CDH13: variants seen among roughly 807,000 people sequenced by gnomAD.
CDH13 encodes the protein cadherin-13.
In CDH13, 24 loss-of-function variants were observed where a neutral mutation model predicts 63.8. The observed-to-expected ratio is 0.38, with a 90% CI of 0.27 to 0.53. The LOEUF (loss-of-function observed/expected upper bound fraction) is 0.53, where lower values mean the gene tolerates loss of function less well. Among genes scored for constraint, CDH13 ranks in the 20% least tolerant of loss-of-function variants. CDH13 has a pLI of 0.85. For missense variants in CDH13, 1,049 were observed against 903.1 expected (o/e 1.16, Z -2.07); for synonymous variants, 503 against 355.3 (o/e 1.42, Z -4.67).
intron 7 of CDH13, among the ~76,000 whole-genome samples, chr16:83,503,375 G>T (rs370673356): frequency 6.6e-6 from 1 of 152,144 alleles, no homozygotes; most frequent in African/African-American, 2.4e-5. Context: ...AGAGAGATTC[G>T]GATGGGGTGG....
chr16:82,638,548 A>T (rs757862651), intron 1 of CDH13, among the ~76,000 whole-genome samples: 61 of 152,162 alleles, frequency 4.0e-4, no homozygotes, highest in Non-Finnish European at 7.6e-4. Flanking sequence ...CTATGCTCCA[A>T]GGAATTTTAT....
chr16:83,157,015 A>G (rs997468261), intron 4 of CDH13, among the ~76,000 whole-genome samples: 1 of 152,124 alleles, frequency 6.6e-6, no homozygotes, highest in South Asian at 2.1e-4. Flanking sequence ...TCTTTTTCTT[A>G]TTATATTTTC....
chr16:83,564,805 T>A (rs986841932), intron 7 of CDH13, among the ~76,000 whole-genome samples: 4 of 152,182 alleles, frequency 2.6e-5, no homozygotes, highest in Admixed American at 2.6e-4. Context: ...GAGAAGAGTA[T>A]GGAGGTTGGA....
At chr16:82,886,480 A>C (rs994229935) in intron 2 of CDH13, among the ~76,000 whole-genome samples, 1 of 152,164 alleles carries the variant, frequency 6.6e-6, no homozygotes, top group Non-Finnish European at 1.5e-5. Flanking sequence ...TTTGATCACC[A>C]GCAAAGTTAA....
At chr16:82,627,221 CG>C in intron 1 of CDH13, 84 bp downstream of exon 1, 1 of 1,156,644 alleles carries the variant, frequency 8.6e-7, no homozygotes, top group Non-Finnish European at 1.3e-6. Flanking sequence ...AGGGGGCTTT[CG>C]GGGGGTCGGG....
At chr16:83,103,826 G>C (rs1769347406) in intron 3 of CDH13, among the ~76,000 whole-genome samples, 1 of 152,166 alleles carries the variant, frequency 6.6e-6, no homozygotes, top group African/African-American at 2.4e-5. Context: ...CACAGTAAGT[G>C]CTCTGTCATT....
chr16:82,677,446 C>CTT (rs3041877), intron 1 of CDH13, among the ~76,000 whole-genome samples: 3,448 of 130,358 alleles, frequency 0.026, 68 homozygotes, highest in African/African-American at 0.04. Context: ...ACTCTTCTGC[C>CTT]TTTTTTTTTT....
intron 1 of CDH13, among the ~76,000 whole-genome samples, chr16:82,819,239 G>C (rs1193789688): frequency 6.6e-6 from 1 of 152,136 alleles, no homozygotes; most frequent in Non-Finnish European, 1.5e-5. Flanking sequence ...AAATTAATCG[G>C]ATAACATATT....
chr16:83,731,644 T>A (rs186418159), intron 10 of CDH13, among the ~76,000 whole-genome samples: 9 of 152,342 alleles, frequency 5.9e-5, no homozygotes, highest in African/African-American at 2.2e-4. Flanking sequence ...TCTTTGCCAA[T>A]TTTTGTTTTT....
At chr16:83,277,486 G>A (rs961514853) in intron 5 of CDH13, among the ~76,000 whole-genome samples, 5 of 152,172 alleles carry the variant, frequency 3.3e-5, no homozygotes, top group African/African-American at 1.2e-4. Context: ...CTTTAAAAGG[G>A]CAAAGATTTC....
intron 4 of CDH13, among the ~76,000 whole-genome samples, chr16:83,186,593 G>A (rs766213334): frequency 2.6e-5 from 4 of 151,950 alleles, no homozygotes; most frequent in Admixed American, 6.6e-5. Context: ...TGTATTTGTC[G>A]TACGTTGTGT....
chr16:82,684,143 G>T (rs1482966333), intron 1 of CDH13, among the ~76,000 whole-genome samples: 3 of 152,206 alleles, frequency 2.0e-5, no homozygotes, highest in Non-Finnish European at 2.9e-5. Context: ...TGGGGAAAAT[G>T]GTCCAATGAT....
intron 4 of CDH13, among the ~76,000 whole-genome samples, chr16:83,134,787 A>G (rs983970042): frequency 1.7e-4 from 26 of 152,202 alleles, no homozygotes; most frequent in African/African-American, 5.5e-4. Context: ...TTAATTAATG[A>G]CAAAACATAA....
chr16:82,827,730 C>G (rs529913756), intron 1 of CDH13, among the ~76,000 whole-genome samples: 4 of 152,118 alleles, frequency 2.6e-5, no homozygotes. Context: ...AGCATGAATG[C>G]CCTTTTTTAC....
intron 7 of CDH13, among the ~76,000 whole-genome samples, chr16:83,545,907 C>T (rs935790371): frequency 6.6e-6 from 1 of 152,166 alleles, no homozygotes; most frequent in African/African-American, 2.4e-5. Context: ...CATTCAATGA[C>T]AACTATCTAC....
rs545168670 is a variant in CDH13 at position 83,361,711 on chromosome 16, G to A, written c.781+16705G>A. On this transcript the variant is annotated intron_variant, in intron 6 of 13. Coordinates refer to ENST00000567109, the MANE Select transcript of CDH13 (RefSeq NM_001257.5). ...CCTTTTCCCATTGCTTATTTGTATC[G>A]GCTTTGTGGAAGAGCAGATGCCTAT... 4.6e-5 allele frequency among the ~76,000 whole-genome samples: 7 copies of A among 151,930 alleles called. No individual in the cohort carries two copies. In the East Asian group the frequency reaches 7.8e-4, roughly 17 times the overall value.
intron 2 of CDH13, among the ~76,000 whole-genome samples, chr16:83,026,405 A>C (rs1915804024): frequency 6.6e-6 from 1 of 152,194 alleles, no homozygotes. Flanking sequence ...CTTCTCCTGT[A>C]AAATATAATA....
intron 2 of CDH13, among the ~76,000 whole-genome samples, chr16:82,897,783 C>T (rs773664467): frequency 6.6e-6 from 1 of 152,258 alleles, no homozygotes; most frequent in Non-Finnish European, 1.5e-5. Flanking sequence ...GCAATGAATC[C>T]TAGGCTTAGG....
chr16:83,735,453 A>T (rs1184072887), intron 10 of CDH13: 1 of 152,238 alleles, frequency 6.6e-6, no homozygotes, highest in Non-Finnish European at 1.5e-5. Flanking sequence ...GTAATTAGCA[A>T]ATAATAATTG....
Sources: gnomAD v4.1 joint callset for allele counts (sites outside exome capture counted in the v4.1 genomes callset) on GRCh38, gnomAD v4.1.1 for gene constraint, MANE v1.5 for transcripts, NCBI Gene and HGNC (gene_info 2026-07-23, HGNC 2026-07-21) for gene names.